Variants in TRIM38 observed in about 807,000 individuals in gnomAD.
TRIM38 encodes the protein E3 ubiquitin-protein ligase TRIM38.
A neutral mutation model predicts 35.8 loss-of-function variants in TRIM38; 35 were observed. The ratio of observed to expected loss-of-function variants is 0.98; its 90% CI spans 0.75 to 1.30. The LOEUF is 1.30. TRIM38 is among the 50% of genes most tolerant of loss of function. The pLI is 0.00. For missense variants in TRIM38, 545 were observed against 556.9 expected, an observed-to-expected ratio of 0.98 and a Z score of 0.21; for synonymous variants, 198 against 204.7, an observed-to-expected ratio of 0.97 and a Z score of 0.28.
rs1759902101 is a variant in TRIM38, at chr6:25,963,163, C to A, written c.-308C>A. 6.6e-6 allele frequency: 1 copy of A among 152,360 alleles called. No individual in the cohort carries two copies. The highest frequency in any genetic ancestry group is 1.5e-5 in the Non-Finnish European group (1 of 68,124). The allele number at this position is 152,360 out of a possible 1,614,324, so 9.4% of individuals were successfully genotyped here. On this transcript the variant is annotated 5_prime_UTR_variant, in exon 2 of 8. Transcript: ENST00000357085. ...CTCCCCAGAAGAGCAGTGACCCCAG[C>A]AGAGAGGGGCCTGGTGTATCACTGG...
intron 7 of TRIM38, among the ~76,000 whole-genome samples, chr6:25,976,718 A>T (rs1276807302): frequency 6.6e-6 from 1 of 152,162 alleles, no homozygotes; most frequent in African/African-American, 2.4e-5. Context: ...CCCTCCAGGG[A>T]GATACCTTGG....
Position 25,990,188 on chromosome 6 carries a change from TG to T in TRIM38, c.*6502del, listed in dbSNP as rs1240870612. 1 of 152,228 alleles carries T rather than the reference TG, an allele frequency of 6.6e-6. No homozygotes were observed. Among genetic ancestry groups the T allele is most frequent in the Non-Finnish European group, 1.5e-5 (1 of 68,040 alleles). The allele number at this position is 152,228 out of a possible 1,614,324, so 9.4% of individuals were successfully genotyped here. A position where few individuals can be genotyped will look rare whatever the true frequency, so the allele number is the denominator to read the frequency against. ...GGATATTTGCAATTGCCATTTATCA[TG>T]AAATTCATGACATACCTTCTTCCAC... On this transcript the variant is annotated 3_prime_UTR_variant, in exon 8 of 8. Coordinates refer to ENST00000357085, the MANE Select transcript of TRIM38 (RefSeq NM_006355.5).
chr6:25,965,292 C>T, intron 2 of TRIM38, among the ~76,000 whole-genome samples: 1 of 152,142 alleles, frequency 6.6e-6, no homozygotes, highest in East Asian at 1.9e-4. Context: ...TAGTCACATG[C>T]AACTATTAAG....
Position 25,988,110 on chromosome 6 carries a change from C to T in TRIM38, c.*4423C>T, listed in dbSNP as rs1210844218. ...CGACTTCTTTCCTCTGTACCTACTC[C>T]GAAGTTACCACTCTTTTTCTAGAAA... On this transcript the variant is annotated 3_prime_UTR_variant, in exon 8 of 8. Coordinates refer to ENST00000357085, the MANE Select transcript of TRIM38 (RefSeq NM_006355.5). 2 of 152,226 alleles carry T rather than the reference C, an allele frequency of 1.3e-5. No homozygotes were observed. Among genetic ancestry groups the T allele is most frequent in the Admixed American group, 6.5e-5 (1 of 15,284 alleles). 9.4% of individuals were successfully genotyped at this position (152,226 alleles called of 1,614,324 possible). A position where few individuals can be genotyped will look rare whatever the true frequency, so the allele number is the denominator to read the frequency against.
intron 4 of TRIM38, 59 bp downstream of exon 4, chr6:25,969,479 G>C (rs1174350048): frequency 1.5e-6 from 2 of 1,356,120 alleles, no homozygotes; most frequent in East Asian, 4.7e-5. Flanking sequence ...TAGGCATAGG[G>C]GATGATTGAG....
Position 25,990,018 on chromosome 6 carries a change from T to TC in TRIM38, c.*6331_*6332insC, listed in dbSNP as rs1760802419. 1 of 151,808 alleles carries TC rather than the reference T, an allele frequency of 6.6e-6. No homozygotes were observed. Among genetic ancestry groups the TC allele is most frequent in the East Asian group, 1.9e-4 (1 of 5,140 alleles). The allele number at this position is 151,808 out of a possible 1,614,324, so 9.4% of individuals were successfully genotyped here. A position where few individuals can be genotyped will look rare whatever the true frequency, so the allele number is the denominator to read the frequency against. On this transcript the variant is annotated 3_prime_UTR_variant, in exon 8 of 8. Coordinates refer to ENST00000357085, the MANE Select transcript of TRIM38 (RefSeq NM_006355.5). ...GTCTACTTTATCATCCTTTTTTTTT[T>TC]TTTCTTTCTTCCTTTTTAGATACAG...
chr6:25,977,854 C>A (rs769138835), intron 7 of TRIM38, among the ~76,000 whole-genome samples: 1 of 152,074 alleles, frequency 6.6e-6, no homozygotes, highest in Non-Finnish European at 1.5e-5. Flanking sequence ...GAACTCTCCA[C>A]GTATATGGCA....
intron 4 of TRIM38, among the ~76,000 whole-genome samples, chr6:25,970,498 T>C (rs747656037): frequency 1.7e-4 from 26 of 152,200 alleles, no homozygotes; most frequent in Non-Finnish European, 2.8e-4. Context: ...AGGAGTCCTC[T>C]CTAACCTCTA....
intron 7 of TRIM38, among the ~76,000 whole-genome samples, chr6:25,978,432 C>A (rs1163972870): frequency 1.3e-5 from 2 of 151,904 alleles, no homozygotes; most frequent in African/African-American, 4.8e-5. Flanking sequence ...TACTATATAT[C>A]TAATAAGATG....
Position 25,966,983 on chromosome 6 carries a change from T to G in TRIM38, c.411+50T>G, listed in dbSNP as rs775048235. 7.9e-5 allele frequency: 120 copies of G among 1,513,182 alleles called. 1 individual carries two copies. The Admixed American group carries it at 1.5e-3, about 19-fold the overall frequency. The allele number at this position is 1,513,182 out of a possible 1,614,324, so 93.7% of individuals were successfully genotyped here. ...TGGTAAGTACCAAGTCTTATCCTGC[T>G]CCCCAGGAGCTGAGATGATTTAACT... On this transcript the variant is annotated intron_variant, in intron 3 of 7. Coordinates refer to ENST00000357085, the MANE Select transcript of TRIM38 (RefSeq NM_006355.5).
At chr6:25,979,890 T>A (rs1205576539) in intron 7 of TRIM38, among the ~76,000 whole-genome samples, 1 of 152,106 alleles carries the variant, frequency 6.6e-6, no homozygotes, top group Non-Finnish European at 1.5e-5. Flanking sequence ...TAAATAACTT[T>A]TTATTATTGT....
intron 2 of TRIM38, among the ~76,000 whole-genome samples, chr6:25,965,788 C>T (rs1760016616): frequency 6.6e-6 from 1 of 151,886 alleles, no homozygotes; most frequent in Admixed American, 6.6e-5. Context: ...CGTAGTGGTG[C>T]ACACCTGTAG....
chr6:25,965,658 G>T (rs1439133952), intron 2 of TRIM38, among the ~76,000 whole-genome samples: 1 of 152,136 alleles, frequency 6.6e-6, no homozygotes, highest in Non-Finnish European at 1.5e-5. Flanking sequence ...GGGCACGGTG[G>T]CTCATGCCTG....
chr6:25,966,431 G>A lies in TRIM38; in HGVS notation c.-92G>A, dbSNP rs2113577778. On this transcript the variant is annotated 5_prime_UTR_variant, in exon 3 of 8. In the 5' UTR this introduces an upstream ATG that the reference lacks. Coordinates refer to ENST00000357085, the MANE Select transcript of TRIM38 (RefSeq NM_006355.5). ...GTTGCAGCCAGCTCATCACATAGAG[G>A]TGCAGGTGAGGTGTATTTTCATCAC... 2 of 1,336,500 alleles carry A rather than the reference G, an allele frequency of 1.5e-6. No homozygotes were observed. The highest frequency in any genetic ancestry group is 4.8e-5 in the East Asian group (2 of 41,446). 82.8% of individuals were successfully genotyped at this position (1,336,500 alleles called of 1,614,324 possible).
rs1760795309 is a variant in TRIM38, at chr6:25,989,660, TA to T, written c.*5974del. The T allele has an allele frequency of 6.6e-6, 1 of 151,994 alleles. No homozygotes were observed. The highest frequency in any genetic ancestry group is 1.5e-5 in the Non-Finnish European group (1 of 68,000). The allele number at this position is 151,994 out of a possible 1,614,324, so 9.4% of individuals were successfully genotyped here. On this transcript the variant is annotated 3_prime_UTR_variant, in exon 8 of 8. Transcript: ENST00000357085. ...TAAGTCACCACGCTCAGCCATCTGGTATTCTTTAGCAACTGTTTGGTAACTT... is the reference window on the plus strand; with the variant it reads ...TAAGTCACCACGCTCAGCCATCTGGTTTCTTTAGCAACTGTTTGGTAACTT...
At chr6:25,979,284 A>G (rs952896866) in intron 7 of TRIM38, among the ~76,000 whole-genome samples, 2 of 152,102 alleles carry the variant, frequency 1.3e-5, no homozygotes, top group African/African-American at 2.4e-5. Flanking sequence ...TGAGATTGGC[A>G]TTACTCATGC....
At chr6:25,968,330 C>G (rs1402197282) in intron 3 of TRIM38, among the ~76,000 whole-genome samples, 1 of 152,096 alleles carries the variant, frequency 6.6e-6, no homozygotes, top group African/African-American at 2.4e-5. Flanking sequence ...AAGGAACCAG[C>G]TTATGTTGAA....
intron 4 of TRIM38, 46 bp downstream of exon 4, chr6:25,969,466 G>A (rs1371961946): frequency 4.0e-6 from 6 of 1,515,730 alleles, no homozygotes; most frequent in Admixed American, 3.6e-5. Flanking sequence ...CCATTCTAGA[G>A]CTTAGGCATA....
rs1581603445 is a variant in TRIM38 at position 25,973,675 on chromosome 6, G to C, written c.874+390G>C. The C allele has an allele frequency of 5.1e-6, 5 of 985,370 alleles. No homozygotes were observed. In the African/African-American group the frequency reaches 8.7e-5, roughly 17 times the overall value. The allele number at this position is 985,370 out of a possible 1,614,324, so 61.0% of individuals were successfully genotyped here. ...ATCATAATAGCACATCATGGTATTA[G>C]ATCTGATCATAGTGTTTATTATCAA... On this transcript the variant is annotated intron_variant, in intron 7 of 7. Coordinates refer to ENST00000357085, the MANE Select transcript of TRIM38 (RefSeq NM_006355.5).
Sources: allele counts gnomAD v4.1 joint callset (sites outside exome capture counted in the v4.1 genomes callset), GRCh38; gene constraint gnomAD v4.1.1; transcripts MANE v1.5; gene names NCBI Gene and HGNC (gene_info 2026-07-23, HGNC 2026-07-21).